The following NCKAP1 variants were observed in gnomAD, a reference collection of about 807,000 sequenced individuals.
NCKAP1 encodes nck-associated protein 1.
NCKAP1 carries 21 observed loss-of-function variants against 151.2 expected under a neutral mutation model. The ratio of observed to expected loss-of-function variants is 0.14; its 90% CI spans 0.10 to 0.20. NCKAP1 has a LOEUF of 0.20. NCKAP1 is among the 10% of genes least tolerant of loss of function. NCKAP1 has a pLI of 1.00. For synonymous variants in NCKAP1, 484 were observed against 451.8 expected, an observed-to-expected ratio of 1.07 and a Z score of -0.90; for missense variants, 933 against 1,352.1, an observed-to-expected ratio of 0.69 and a Z score of 4.86.
At chr2:182,929,376 A>G (rs1300091001) in intron 27 of NCKAP1, among the ~76,000 whole-genome samples, 3 of 152,122 alleles carry the variant, frequency 2.0e-5, no homozygotes, top group East Asian at 3.9e-4. Flanking sequence ...TTACTATTTA[A>G]AAGACATAAA....
chr2:183,037,085 C>G (rs1699116186), intron 1 of NCKAP1, among the ~76,000 whole-genome samples: 1 of 152,144 alleles, frequency 6.6e-6, no homozygotes, highest in African/African-American at 2.4e-5. Context: ...ATTATTTGTT[C>G]TATCTTTACA....
chr2:182,953,199 T>C lies in NCKAP1; in HGVS notation c.2286A>G (p.Thr762=), dbSNP rs774930453. 37 of 1,612,946 alleles carry C rather than the reference T, an allele frequency of 2.3e-5. No homozygotes were observed. The Admixed American group carries it at 5.3e-4, about 23-fold the overall frequency. ...GAAGAAGCACATTATTAAATACTCT[T>C]GTAATATCAATCTGCACATAGTTTT... The part of the protein sequence containing the change: ...SIENYVQIDI[T]RVFNNVLLQQ... Residue 762 remains threonine, a synonymous_variant, in exon 21 of 31, where the codon ACA becomes ACG. Transcript: ENST00000361354.
intron 1 of NCKAP1, among the ~76,000 whole-genome samples, chr2:183,024,227 A>C (rs746243631): frequency 1.2e-4 from 19 of 152,208 alleles, no homozygotes; most frequent in South Asian, 4.1e-4. Context: ...GATTGTATTC[A>C]TCTGAAGCTA....
At chr2:182,974,298 G>C (rs1273766991) in intron 15 of NCKAP1, among the ~76,000 whole-genome samples, 1 of 147,110 alleles carries the variant, frequency 6.8e-6, no homozygotes, top group Non-Finnish European at 1.5e-5. Flanking sequence ...GTATGCAGTA[G>C]AAAGGGTCTG....
chr2:183,005,227 T>C (rs1698448136), intron 2 of NCKAP1, among the ~76,000 whole-genome samples: 2 of 152,216 alleles, frequency 1.3e-5, no homozygotes, highest in Non-Finnish European at 1.5e-5. Flanking sequence ...TAGTAAGATA[T>C]GAAGGGTATA....
intron 2 of NCKAP1, among the ~76,000 whole-genome samples, chr2:183,013,149 T>G (rs544102816): frequency 6.6e-6 from 1 of 152,122 alleles, no homozygotes; most frequent in Non-Finnish European, 1.5e-5. Flanking sequence ...AGATGATTAT[T>G]CCATTCCTTT....
At chr2:183,011,067 G>C (rs751716316) in intron 2 of NCKAP1, among the ~76,000 whole-genome samples, 4 of 152,076 alleles carry the variant, frequency 2.6e-5, no homozygotes, top group Non-Finnish European at 5.9e-5. Flanking sequence ...GACATTAAAT[G>C]GTCCTTGCCT....
chr2:183,025,703 A>G (rs776166482), intron 1 of NCKAP1, among the ~76,000 whole-genome samples: 8 of 152,156 alleles, frequency 5.3e-5, no homozygotes, highest in Non-Finnish European at 8.8e-5. Context: ...AAATCTTCCA[A>G]TTTATATTCT....
chr2:182,944,753 C>T (rs1257339809), intron 23 of NCKAP1, among the ~76,000 whole-genome samples: 3 of 152,112 alleles, frequency 2.0e-5, no homozygotes, highest in African/African-American at 7.2e-5. Context: ...AAGATTGAAT[C>T]AAATGATACT....
intron 6 of NCKAP1, among the ~76,000 whole-genome samples, chr2:183,001,513 G>A (rs1035105202): frequency 6.6e-6 from 1 of 152,068 alleles, no homozygotes; most frequent in African/African-American, 2.4e-5. Flanking sequence ...TTTTAATGAA[G>A]TAATTCATTT....
rs1391038305 is a variant in NCKAP1 at position 182,964,691 on chromosome 2, T to G, written c.1746A>C (p.Glu582Asp). 1.1e-5 allele frequency: 17 copies of G among 1,602,500 alleles called. No homozygotes were observed. The highest frequency in any genetic ancestry group is 1.4e-5 in the Non-Finnish European group (17 of 1,174,436). The change falls in exon 17 of 31, where the codon GAA becomes GAC. Residue 582 changes from glutamate (E) to aspartate (D), a missense_variant. Glu to Asp is a conservative substitution (Grantham distance 45, BLOSUM62 2). Coordinates refer to ENST00000361354, the MANE Select transcript of NCKAP1 (RefSeq NM_013436.5). ...LCTHFMSCTH[E>D]LCPEERHHIG... The stretch of plus-strand genomic sequence containing the variant: ...CTATAATTACCTCTTCTGGACATAG[T>G]TCATGCGTGCAACTCATAAAATGAG...
intron 9 of NCKAP1, 148 bp from the exon 10 acceptor site, chr2:182,986,375 C>T: frequency 3.2e-6 from 2 of 627,540 alleles, no homozygotes; most frequent in Non-Finnish European, 5.5e-6. Context: ...AATCTACCCA[C>T]ACTTTTTCCT....
intron 8 of NCKAP1, among the ~76,000 whole-genome samples, chr2:182,989,797 C>T (rs184939359): frequency 2.6e-5 from 4 of 151,802 alleles, no homozygotes; most frequent in South Asian, 2.1e-4. Context: ...GTTAGGAGTT[C>T]GAGACCAGCC....
At chr2:182,994,124 C>T (rs570372071) in intron 8 of NCKAP1, among the ~76,000 whole-genome samples, 7 of 152,244 alleles carry the variant, frequency 4.6e-5, no homozygotes, top group African/African-American at 9.6e-5. Flanking sequence ...GCCAAACATA[C>T]GAGTAATTTA....
chr2:182,987,413 TTGA>T (rs1575049401), intron 9 of NCKAP1, among the ~76,000 whole-genome samples: 3 of 152,166 alleles, frequency 2.0e-5, no homozygotes, highest in Non-Finnish European at 4.4e-5. Context: ...TACTTATGGT[TTGA>T]TGATAATTCA....
chr2:183,035,996 G>A (rs1010335916), intron 1 of NCKAP1, among the ~76,000 whole-genome samples: 3 of 152,040 alleles, frequency 2.0e-5, no homozygotes, highest in African/African-American at 7.2e-5. Context: ...AAAATATAAG[G>A]CAAGTGCTAA....
chr2:182,967,701 C>A (rs577768370), intron 15 of NCKAP1, among the ~76,000 whole-genome samples: 3 of 152,062 alleles, frequency 2.0e-5, no homozygotes, highest in African/African-American at 7.2e-5. Flanking sequence ...ATTTAAGAGA[C>A]AAAACACACA....
At chr2:182,976,973 A>T in intron 14 of NCKAP1, 22 bp from the exon 15 acceptor site, 1 of 1,434,134 alleles carries the variant, frequency 7.0e-7, no homozygotes, top group Non-Finnish European at 9.4e-7. Flanking sequence ...GAAAAAAAAA[A>T]AAGATTACAA....
chr2:182,909,406 T>G lies in NCKAP1; in HGVS notation c.*16296A>C, dbSNP rs1696354233. On this transcript the variant is annotated 3_prime_UTR_variant, in exon 31 of 31. Coordinates refer to ENST00000361354, the MANE Select transcript of NCKAP1 (RefSeq NM_013436.5). ...CAACCAACATTCTACTTTCTATCAA[T>G]TTGACTATTTTAGGTACCTAATATA... 6.6e-6 allele frequency: 1 copy of G among 152,158 alleles called. No individual in the cohort carries two copies. The highest frequency in any genetic ancestry group is 2.1e-4 in the South Asian group (1 of 4,834). The allele number at this position is 152,158 out of a possible 1,614,324, so 9.4% of individuals were successfully genotyped here. A position where few individuals can be genotyped will look rare whatever the true frequency, so the allele number is the denominator to read the frequency against.
Sources: allele counts gnomAD v4.1 joint callset (sites outside exome capture counted in the v4.1 genomes callset), GRCh38; gene constraint gnomAD v4.1.1; transcripts MANE v1.5; gene names NCBI Gene and HGNC (gene_info 2026-07-23, HGNC 2026-07-21).